The following ARFGEF3 variants were observed in gnomAD, a reference collection of about 807,000 sequenced individuals.
ARFGEF3 encodes the protein ARFGEF family member 3.
ARFGEF3 carries 96 observed loss-of-function variants against 221.7 expected under a neutral mutation model. The observed-to-expected ratio is 0.43, with a 90% confidence interval of 0.37 to 0.51. ARFGEF3 has a LOEUF of 0.51. Among genes scored for constraint, ARFGEF3 ranks in the 20% least tolerant of loss-of-function variants. The probability of loss-of-function intolerance (pLI) is 0.00; values close to 1 mark genes in which losing one functional copy is unlikely to be tolerated. For missense variants in ARFGEF3, 2,410 were observed against 2,789.9 expected (o/e 0.86, Z 3.07); for synonymous variants, 1,145 against 1,126.8 (o/e 1.02, Z -0.32).
chr6:138,180,101 C>T (rs1777048098), intron 2 of ARFGEF3, among the ~76,000 whole-genome samples: 1 of 152,208 alleles, frequency 6.6e-6, no homozygotes, highest in Admixed American at 6.5e-5. Context: ...GTGTGAACCA[C>T]CAATGCCTAT....
chr6:138,189,334 G>T (rs1317700371), intron 2 of ARFGEF3, among the ~76,000 whole-genome samples: 1 of 152,190 alleles, frequency 6.6e-6, no homozygotes, highest in African/African-American at 2.4e-5. Context: ...CATGTCACTT[G>T]AACCATGCGG....
Position 138,341,761 on chromosome 6 carries a change from T to C in ARFGEF3, c.*5275T>C, listed in dbSNP as rs368927372. ...TGTGGAAATAACTAATAACTTAAGA[T>C]TTTGGAACAGAACACCCTTTAGATT... On this transcript the variant is annotated 3_prime_UTR_variant, in exon 34 of 34. Coordinates refer to ENST00000251691, the MANE Select transcript of ARFGEF3 (RefSeq NM_020340.5). The C allele has an allele frequency of 5.9e-5, 9 of 152,316 alleles. No individual in the cohort carries two copies. Among genetic ancestry groups the C allele is most frequent in the East Asian group, 1.9e-4 (1 of 5,186 alleles). The allele number at this position is 152,316 out of a possible 1,614,324, so 9.4% of individuals were successfully genotyped here.
intron 20 of ARFGEF3, among the ~76,000 whole-genome samples, chr6:138,295,627 C>CAAAA (rs34138067): frequency 7.1e-5 from 9 of 126,084 alleles, no homozygotes; most frequent in South Asian, 2.6e-4. Context: ...GAGACTCCCT[C>CAAAA]AAAAAAAAAA....
At chr6:138,290,106 T>C in intron 18 of ARFGEF3, 138 bp downstream of exon 18, 1 of 833,886 alleles carries the variant, frequency 1.2e-6, no homozygotes, top group Non-Finnish European at 1.8e-6. Flanking sequence ...AGAGTTTGAT[T>C]AAACTTCAAA....
rs187510812 is a variant in ARFGEF3, at chr6:138,259,974, G to A, written c.1105-1553G>A. 9.8e-4 allele frequency among the ~76,000 whole-genome samples: 149 copies of A among 152,260 alleles called. 1 individual carries two copies. The highest frequency in any genetic ancestry group is 8.6e-3 in the Admixed American group (132 of 15,302). ...TATCTAATTTATTACCAGTGAAGCT[G>A]AATTTTAAATTGTGGTGGGATGCCA... On this transcript the variant is annotated intron_variant, in intron 10 of 33. Coordinates refer to ENST00000251691, the MANE Select transcript of ARFGEF3 (RefSeq NM_020340.5).
chr6:138,217,122 T>C (rs1777881707), intron 4 of ARFGEF3: 1 of 152,238 alleles, frequency 6.6e-6, no homozygotes, highest in Non-Finnish European at 1.5e-5. Context: ...GCATTATTTT[T>C]GAGATGGAGA....
At chr6:138,247,332 C>G (rs117629524) in intron 8 of ARFGEF3, among the ~76,000 whole-genome samples, 60 of 152,316 alleles carry the variant, frequency 3.9e-4, no homozygotes, top group Admixed American at 6.5e-4. Context: ...CCTATGCCAC[C>G]TGCTTTGCTT....
At chr6:138,243,017 G>A (rs1778422331) in intron 7 of ARFGEF3, 23 bp downstream of exon 7, 1 of 1,603,274 alleles carries the variant, frequency 6.2e-7, no homozygotes, top group Non-Finnish European at 8.5e-7. Flanking sequence ...ATTTGTACTA[G>A]TTCAGTTTTT....
intron 1 of ARFGEF3, among the ~76,000 whole-genome samples, chr6:138,168,441 A>C (rs76170733): frequency 0.027 from 4,142 of 152,282 alleles, 79 homozygotes; most frequent in African/African-American, 0.055. Flanking sequence ...AGTGAGGACC[A>C]GATCATGAAA....
At chr6:138,280,232 T>C (rs1411394870) in intron 14 of ARFGEF3, 68 bp downstream of exon 14, 5 of 1,483,846 alleles carry the variant, frequency 3.4e-6, no homozygotes, top group Non-Finnish European at 3.7e-6. Flanking sequence ...TAAAGCCTCT[T>C]TCAGAGAAGT....
chr6:138,240,545 C>G (rs966030623), intron 6 of ARFGEF3, among the ~76,000 whole-genome samples: 4 of 152,138 alleles, frequency 2.6e-5, no homozygotes, highest in African/African-American at 9.7e-5. Context: ...CTGTCTGTCT[C>G]CATCCTGGGT....
intron 24 of ARFGEF3, among the ~76,000 whole-genome samples, chr6:138,310,610 T>C (rs1779809223): frequency 6.6e-6 from 1 of 152,206 alleles, no homozygotes; most frequent in South Asian, 2.1e-4. Context: ...TAATGCCTAG[T>C]AATTAGGTCT....
chr6:138,321,619 C>T lies in ARFGEF3; in HGVS notation c.4766+394C>T, dbSNP rs541005746. On this transcript the variant is annotated intron_variant, in intron 29 of 33. Coordinates refer to ENST00000251691, the MANE Select transcript of ARFGEF3 (RefSeq NM_020340.5). ...GAGGATGTGGAGAAAAGGGAACCCT[C>T]GTACACTGTTGGTGGGAATGTAAAT... is the stretch of plus-strand genomic sequence containing the variant. 4.6e-5 allele frequency among the ~76,000 whole-genome samples: 7 copies of T among 152,270 alleles called. No homozygotes were observed. In the South Asian group the frequency reaches 1.0e-3, roughly 23 times the overall value.
intron 2 of ARFGEF3, among the ~76,000 whole-genome samples, chr6:138,204,886 A>C (rs1478552761): frequency 6.6e-6 from 1 of 152,174 alleles, no homozygotes; most frequent in African/African-American, 2.4e-5. Context: ...AACCACCTTC[A>C]TCTACCAGTC....
In ARFGEF3 at chr6:138,307,391, T is replaced by A. The variant is rs1236765579; in HGVS notation, c.3967T>A (p.Ser1323Thr). Residue 1323 changes from serine to threonine, a missense_variant, in exon 23 of 34, where the codon TCC becomes ACC. Around this residue, in one of 5 missense-constraint regions of ARFGEF3, gnomAD observed 723 missense variants for 991.9 expected, o/e 0.73. Transcript: ENST00000251691. ...EMKEYLVGDY[S>T]MGKGQAPVFD... is the part of the protein sequence containing the mutation. Reference sequence around the variant, plus strand: ...GAAGGAGTACCTGGTTGGTGACTACTCCATGGGTAAGAATGTTTGGATGAT... The same window carrying A: ...GAAGGAGTACCTGGTTGGTGACTACACCATGGGTAAGAATGTTTGGATGAT... 1 of 1,613,422 alleles carries A rather than the reference T, an allele frequency of 6.2e-7. No homozygotes were observed. Among genetic ancestry groups the A allele is most frequent in the African/African-American group, 1.3e-5 (1 of 74,928 alleles).
In ARFGEF3 at chr6:138,287,065, C is replaced by T. The variant is rs757649729; in HGVS notation, c.2786-9C>T. On this transcript the variant is annotated splice_polypyrimidine_tract_variant and intron_variant, in intron 16 of 33. Transcript: ENST00000251691. ...TCAGTCAAGAAGTCATTGTGTGTCT[C>T]CTCTGAAGGCGTTGCTGCTAACTGC... 9 of 1,565,096 alleles carry T rather than the reference C, an allele frequency of 5.8e-6. No homozygotes were observed. Among genetic ancestry groups the T allele is most frequent in the Non-Finnish European group, 2.6e-6 (3 of 1,154,400 alleles).
chr6:138,335,826 G>A (rs1235493441), intron 33 of ARFGEF3, among the ~76,000 whole-genome samples: 3 of 152,202 alleles, frequency 2.0e-5, no homozygotes, highest in African/African-American at 7.2e-5. Context: ...AGTAAATATT[G>A]TGTGGTTATG....
At chr6:138,163,960 G>A (rs1271025758) in intron 1 of ARFGEF3, among the ~76,000 whole-genome samples, 1 of 152,166 alleles carries the variant, frequency 6.6e-6, no homozygotes, top group Admixed American at 6.5e-5. Context: ...TTTTGAAGTA[G>A]ATTTCACTTG....
At chr6:138,167,287 A>G (rs930476365) in intron 1 of ARFGEF3, among the ~76,000 whole-genome samples, 8 of 152,186 alleles carry the variant, frequency 5.3e-5, no homozygotes, top group African/African-American at 1.9e-4. Context: ...TCTGGAGTTG[A>G]ACACACACAT....
Sources: gnomAD v4.1 joint callset for allele counts (sites outside exome capture counted in the v4.1 genomes callset) on GRCh38, gnomAD v4.1.1 for gene constraint, gnomAD v4.1.1 regional missense constraint, MANE v1.5 for transcripts, NCBI Gene and HGNC (gene_info 2026-07-23, HGNC 2026-07-21) for gene names.